The following CSMD1 variants were observed in gnomAD, a reference collection of about 807,000 sequenced individuals.
CSMD1 encodes the protein CUB and Sushi multiple domains 1.
Under a neutral mutation model 417.5 loss-of-function variants are expected in CSMD1, and 213 were observed. The observed-to-expected ratio is 0.51, with a 90% CI of 0.46 to 0.57. The LOEUF (loss-of-function observed/expected upper bound fraction) is 0.57, where lower values mean the gene tolerates loss of function less well. Among genes scored for constraint, CSMD1 ranks in the 20% least tolerant of loss-of-function variants. The pLI is 0.00. For missense variants in CSMD1, 6,923 were observed against 4,529.7 expected, an observed-to-expected ratio of 1.53 and a Z score of -15.17; for synonymous variants, 2,862 against 1,736.8, an observed-to-expected ratio of 1.65 and a Z score of -16.11.
intron 2 of CSMD1, among the ~76,000 whole-genome samples, chr8:4,533,528 T>C (rs1021573203): frequency 6.6e-6 from 1 of 152,184 alleles, no homozygotes; most frequent in African/African-American, 2.4e-5. Context: ...TACAGACCTT[T>C]TGGGAACACA....
At chr8:4,651,957 C>T (rs1288705865) in intron 1 of CSMD1, among the ~76,000 whole-genome samples, 3 of 152,138 alleles carry the variant, frequency 2.0e-5, no homozygotes, top group Non-Finnish European at 2.9e-5. Flanking sequence ...TTAACTCAAT[C>T]CTCTGGGTCT....
intron 2 of CSMD1, among the ~76,000 whole-genome samples, chr8:4,509,749 A>T (rs1802716026): frequency 1.3e-5 from 2 of 152,168 alleles, no homozygotes; most frequent in African/African-American, 4.8e-5. Flanking sequence ...GTGATGATTT[A>T]CTTAGTTGTC....
rs186517978 is a variant in CSMD1, at chr8:4,871,344, T to C, written c.85+122988A>G. On this transcript the variant is annotated intron_variant, in intron 1 of 69. Coordinates refer to ENST00000635120, the MANE Select transcript of CSMD1 (RefSeq NM_033225.6). ...TTAGATTTTCTGATGCTTCCAGCTA[T>C]GCATATTGATATAAATGGCATTTCC... is the stretch of plus-strand genomic sequence containing the variant. Among the ~76,000 whole-genome samples, 117 of 152,270 alleles carry C rather than the reference T, an allele frequency of 7.7e-4. 1 individual carries two copies. The highest frequency in any genetic ancestry group is 2.7e-3 in the African/African-American group (110 of 41,506).
At chr8:4,374,202 T>G (rs1416152145) in intron 3 of CSMD1, among the ~76,000 whole-genome samples, 1 of 152,138 alleles carries the variant, frequency 6.6e-6, no homozygotes, top group Non-Finnish European at 1.5e-5. Context: ...GGGTTAGCTT[T>G]GAGGAAGGAT....
At chr8:3,429,684 G>A (rs955870605) in intron 12 of CSMD1, among the ~76,000 whole-genome samples, 1 of 152,162 alleles carries the variant, frequency 6.6e-6, no homozygotes, top group Non-Finnish European at 1.5e-5. Flanking sequence ...TGCATTTCTT[G>A]TGCATAAAGT....
intron 69 of CSMD1, among the ~76,000 whole-genome samples, chr8:2,939,066 G>A (rs1179466336): frequency 6.6e-6 from 1 of 152,210 alleles, no homozygotes; most frequent in Non-Finnish European, 1.5e-5. Context: ...TTGGGCTCAG[G>A]CGATCCTCCC....
At chr8:3,495,352 G>A (rs960457165) in intron 10 of CSMD1, among the ~76,000 whole-genome samples, 10 of 152,256 alleles carry the variant, frequency 6.6e-5, no homozygotes, top group Non-Finnish European at 1.3e-4. Flanking sequence ...CTGGTGGGAA[G>A]CGATGATAAT....
chr8:4,207,645 TTATG>T (rs1800059553), intron 3 of CSMD1, among the ~76,000 whole-genome samples: 1 of 152,130 alleles, frequency 6.6e-6, no homozygotes. Flanking sequence ...AGGGGGTTGT[TTATG>T]TATTCCTACA....
intron 3 of CSMD1, among the ~76,000 whole-genome samples, chr8:4,078,377 T>G (rs761103575): frequency 3.4e-5 from 5 of 145,984 alleles, no homozygotes; most frequent in Non-Finnish European, 6.0e-5. Context: ...TGCAGTGGCG[T>G]GATCTCGACT....
chr8:4,458,680 C>A (rs547703749), intron 2 of CSMD1, among the ~76,000 whole-genome samples: 2 of 152,126 alleles, frequency 1.3e-5, no homozygotes, highest in Non-Finnish European at 2.9e-5. Flanking sequence ...TGAAACTAAC[C>A]AAAACTGCAG....
chr8:4,498,514 T>G (rs545298398), intron 2 of CSMD1, among the ~76,000 whole-genome samples: 1 of 152,214 alleles, frequency 6.6e-6, no homozygotes, highest in African/African-American at 2.4e-5. Context: ...ATCACTAAAT[T>G]AAATTGAATT....
intron 3 of CSMD1, among the ~76,000 whole-genome samples, chr8:4,044,995 T>A (rs1222991912): frequency 6.6e-6 from 1 of 152,228 alleles, no homozygotes; most frequent in African/African-American, 2.4e-5. Flanking sequence ...CTACTTCCTG[T>A]TTTATAATTA....
At chr8:3,555,825 C>A (rs114488948) in intron 10 of CSMD1, among the ~76,000 whole-genome samples, 3 of 152,046 alleles carry the variant, frequency 2.0e-5, no homozygotes, top group Admixed American at 6.6e-5. Flanking sequence ...ACAAAATCTT[C>A]GGTGCCAAAA....
chr8:4,088,864 C>G (rs1317421907), intron 3 of CSMD1, among the ~76,000 whole-genome samples: 3 of 152,154 alleles, frequency 2.0e-5, no homozygotes, highest in Admixed American at 6.5e-5. Flanking sequence ...TTCCATGACA[C>G]CGCTGTGTTC....
intron 1 of CSMD1, among the ~76,000 whole-genome samples, chr8:4,968,680 T>C (rs17071958): frequency 7.2e-5 from 11 of 152,140 alleles, no homozygotes; most frequent in Non-Finnish European, 1.3e-4. Flanking sequence ...CTTAGCTATC[T>C]CTGCTTTCAA....
chr8:4,124,437 G>A (rs970181033), intron 3 of CSMD1, among the ~76,000 whole-genome samples: 3 of 151,720 alleles, frequency 2.0e-5, no homozygotes, highest in African/African-American at 7.2e-5. Context: ...TAGAAGGGAG[G>A]AAACCCACGA....
At chr8:3,669,583 T>A (rs1481704) in intron 7 of CSMD1, among the ~76,000 whole-genome samples, 1 of 152,062 alleles carries the variant, frequency 6.6e-6, no homozygotes, top group African/African-American at 2.4e-5. Context: ...TGAATGAGAC[T>A]CTTCCGGACA....
At chr8:3,001,769 T>C (rs1034449910) in intron 52 of CSMD1, among the ~76,000 whole-genome samples, 1 of 152,202 alleles carries the variant, frequency 6.6e-6, no homozygotes, top group Non-Finnish European at 1.5e-5. Flanking sequence ...GCGGAGACTT[T>C]CCCTGCCCAC....
At chr8:3,906,676 A>T (rs754206465) in intron 5 of CSMD1, among the ~76,000 whole-genome samples, 7 of 152,138 alleles carry the variant, frequency 4.6e-5, no homozygotes, top group Non-Finnish European at 1.0e-4. Flanking sequence ...GCAGAGAGAA[A>T]ATAACTATGT....
Sources: gnomAD v4.1 joint callset for allele counts (sites outside exome capture counted in the v4.1 genomes callset) on GRCh38, gnomAD v4.1.1 for gene constraint, MANE v1.5 for transcripts, NCBI Gene and HGNC (gene_info 2026-07-23, HGNC 2026-07-21) for gene names.